FARP1: variants seen among roughly 807,000 people sequenced by gnomAD.
FARP1 encodes the protein FERM, ARHGEF and pleckstrin domain-containing protein 1.
FARP1 carries 52 observed loss-of-function variants against 128.8 expected under a neutral mutation model. The observed-to-expected ratio is 0.40, with a 90% CI of 0.32 to 0.51. The LOEUF (loss-of-function observed/expected upper bound fraction) is 0.51. Ranked by LOEUF, FARP1 falls within the 20% of genes least tolerant of loss-of-function variation. The pLI is 0.45. For missense variants in FARP1, 1,333 were observed against 1,367.9 expected (o/e 0.97, Z 0.40); for synonymous variants, 580 against 551.8 (o/e 1.05, Z -0.72).
chr13:98,271,660 T>C (rs1351107991), intron 2 of FARP1, among the ~76,000 whole-genome samples: 1 of 151,942 alleles, frequency 6.6e-6, no homozygotes, highest in East Asian at 1.9e-4. Context: ...GAACGTGTGG[T>C]GTTTGGTTTT....
chr13:98,227,042 G>C (rs559678862), intron 2 of FARP1, among the ~76,000 whole-genome samples: 4,179 of 152,114 alleles, frequency 0.027, 76 homozygotes, highest in Middle Eastern at 0.051. Flanking sequence ...CCGGGTTCAC[G>C]TCATTCTCTA....
intron 2 of FARP1, chr13:98,332,717 AG>A (rs1566888518): frequency 6.6e-6 from 1 of 152,210 alleles, no homozygotes; most frequent in Non-Finnish European, 1.5e-5. Flanking sequence ...ATGTTAAAAA[AG>A]TAGTTTCTGT....
At chr13:98,200,396 C>CCCCCCCCCCCCCCCCCGG (rs1555327094) in intron 1 of FARP1, among the ~76,000 whole-genome samples, 1 of 147,040 alleles carries the variant, frequency 6.8e-6, no homozygotes, top group African/African-American at 2.6e-5. Flanking sequence ...CACCCCCCCC[C>CCCCCCCCCCCCCCCCCGG]CCTCCCCTTT....
chr13:98,181,008 G>T (rs531384736), intron 1 of FARP1, among the ~76,000 whole-genome samples: 2 of 151,368 alleles, frequency 1.3e-5, no homozygotes, highest in South Asian at 4.2e-4. Context: ...TTTTCTTAGG[G>T]TTGATTCCTA....
chr13:98,408,321 A>ATTT (rs1403255809), intron 13 of FARP1, among the ~76,000 whole-genome samples: 1 of 108,226 alleles, frequency 9.2e-6, no homozygotes, highest in Non-Finnish European at 1.9e-5. Flanking sequence ...GGTAATATAT[A>ATTT]CTTTTTTTTT....
intron 2 of FARP1, among the ~76,000 whole-genome samples, chr13:98,286,935 T>C (rs1226217803): frequency 6.6e-6 from 1 of 152,200 alleles, no homozygotes; most frequent in Non-Finnish European, 1.5e-5. Flanking sequence ...TATCACATCA[T>C]TTTGTTACCT....
At chr13:98,184,837 A>C (rs1329156332) in intron 1 of FARP1, among the ~76,000 whole-genome samples, 1 of 152,242 alleles carries the variant, frequency 6.6e-6, no homozygotes, top group Non-Finnish European at 1.5e-5. Context: ...CAAATACTTC[A>C]AGTGTATTTT....
intron 1 of FARP1, among the ~76,000 whole-genome samples, chr13:98,210,281 C>T (rs1490992849): frequency 5.3e-5 from 8 of 152,136 alleles, no homozygotes; most frequent in African/African-American, 1.9e-4. Flanking sequence ...CTTCTTTCTC[C>T]ATGACCCTCA....
At chr13:98,192,570 T>C (rs992834859) in intron 1 of FARP1, among the ~76,000 whole-genome samples, 3 of 152,124 alleles carry the variant, frequency 2.0e-5, no homozygotes, top group African/African-American at 7.2e-5. Flanking sequence ...TCTGTATGTT[T>C]AGTAGAGACA....
At chr13:98,415,254 C>A (rs1891330731) in intron 16 of FARP1, among the ~76,000 whole-genome samples, 2 of 152,166 alleles carry the variant, frequency 1.3e-5, no homozygotes, top group Admixed American at 1.3e-4. Context: ...AAGAGTGAGA[C>A]TCAGGAATCT....
chr13:98,255,359 G>A (rs1256066274), intron 2 of FARP1, among the ~76,000 whole-genome samples: 1 of 152,130 alleles, frequency 6.6e-6, no homozygotes, highest in African/African-American at 2.4e-5. Flanking sequence ...AAAATAGCCG[G>A]GCATGGTGGC....
At chr13:98,234,883 C>T (rs554224239) in intron 2 of FARP1, among the ~76,000 whole-genome samples, 2 of 152,298 alleles carry the variant, frequency 1.3e-5, no homozygotes, top group South Asian at 4.1e-4. Flanking sequence ...ACACTCCCAA[C>T]TTCTCCATTT....
intron 6 of FARP1, among the ~76,000 whole-genome samples, chr13:98,378,223 T>TA (rs1336705603): frequency 6.6e-6 from 1 of 152,246 alleles, no homozygotes; most frequent in Non-Finnish European, 1.5e-5. Context: ...CCAAATAGAC[T>TA]AAACTTGTTC....
At chr13:98,392,990 A>G (rs113450772) in intron 11 of FARP1, among the ~76,000 whole-genome samples, 1,904 of 152,304 alleles carry the variant, frequency 0.013, 47 homozygotes, top group African/African-American at 0.043. Context: ...GAAGAGCTGG[A>G]TGTGCCTGGG....
intron 1 of FARP1, among the ~76,000 whole-genome samples, chr13:98,153,533 T>C (rs1876256373): frequency 7.9e-6 from 1 of 127,136 alleles, no homozygotes; most frequent in African/African-American, 3.0e-5. Context: ...ATATATATTA[T>C]ATATAAATAT....
At chr13:98,362,977 A>C (rs1214718987) in intron 3 of FARP1, among the ~76,000 whole-genome samples, 1 of 152,238 alleles carries the variant, frequency 6.6e-6, no homozygotes, top group African/African-American at 2.4e-5. Flanking sequence ...TACTTCTGCC[A>C]TTCTGGTCCA....
chr13:98,265,461 A>C (rs1884068279), intron 2 of FARP1, among the ~76,000 whole-genome samples: 2 of 149,724 alleles, frequency 1.3e-5, no homozygotes, highest in African/African-American at 4.9e-5. Context: ...CTGGGACTAC[A>C]GGCGCCCGCC....
At chr13:98,278,209 T>C (rs1884758180) in intron 2 of FARP1, among the ~76,000 whole-genome samples, 1 of 148,924 alleles carries the variant, frequency 6.7e-6, no homozygotes, top group African/African-American at 2.6e-5. Context: ...TGTGTCTTTG[T>C]GTTGTGTGTG....
chr13:98,176,685 G>A lies in FARP1; in HGVS notation c.-24+33193G>A, dbSNP rs768583405. ...GCTGGTAATCCCAGCGCACAGTGGCGCGCAGATGCCCTGGCGCACGTATGG... is the reference window on the plus strand; with the variant it reads ...GCTGGTAATCCCAGCGCACAGTGGCACGCAGATGCCCTGGCGCACGTATGG... On this transcript the variant is annotated intron_variant, in intron 1 of 26. Coordinates refer to ENST00000319562, the MANE Select transcript of FARP1 (RefSeq NM_005766.4). This position sits in a 1 kb window ranked among gnomAD's most constrained non-coding sequence, Gnocchi z 6.2. 3.7e-6 allele frequency: 6 copies of A among 1,614,210 alleles called. No individual in the cohort carries two copies. Among genetic ancestry groups the A allele is most frequent in the Admixed American group, 3.3e-5 (2 of 60,030 alleles).
Sources: allele counts gnomAD v4.1 joint callset (sites outside exome capture counted in the v4.1 genomes callset), GRCh38; gene constraint gnomAD v4.1.1; non-coding constraint Gnocchi (gnomAD v3.1); transcripts MANE v1.5; gene names NCBI Gene and HGNC (gene_info 2026-07-23, HGNC 2026-07-21).